PLXDC2: variants seen among roughly 807,000 people sequenced by gnomAD.
PLXDC2 encodes plexin domain-containing protein 2.
A neutral mutation model predicts 68.9 loss-of-function variants in PLXDC2; 40 were observed. The ratio of observed to expected loss-of-function variants is 0.58; its 90% CI spans 0.45 to 0.76. The LOEUF (loss-of-function observed/expected upper bound fraction) is 0.76. PLXDC2 is among the 30% of genes least tolerant of loss of function. PLXDC2 has a pLI of 0.00. For synonymous variants in PLXDC2, 243 were observed against 234.2 expected, an observed-to-expected ratio of 1.04 and a Z score of -0.34; for missense variants, 644 against 661.9, an observed-to-expected ratio of 0.97 and a Z score of 0.30.
chr10:19,881,534 T>G (rs1449549454), intron 1 of PLXDC2, among the ~76,000 whole-genome samples: 1 of 152,162 alleles, frequency 6.6e-6, no homozygotes, highest in Non-Finnish European at 1.5e-5. Flanking sequence ...CTGTGAGCAC[T>G]TTCTAATTCA....
At chr10:20,029,223 G>C (rs1355177314) in intron 2 of PLXDC2, among the ~76,000 whole-genome samples, 1 of 151,898 alleles carries the variant, frequency 6.6e-6, no homozygotes, top group Non-Finnish European at 1.5e-5. Flanking sequence ...TTAGTTCAGC[G>C]GTTATCTTCT....
intron 1 of PLXDC2, among the ~76,000 whole-genome samples, chr10:19,872,598 C>T (rs1049769263): frequency 3.9e-5 from 6 of 152,294 alleles, no homozygotes; most frequent in Middle Eastern, 3.4e-3. Context: ...ATTTCAGCCA[C>T]ACCTAGACAA....
At chr10:20,117,129 TAC>T (rs1007205643) in intron 4 of PLXDC2, among the ~76,000 whole-genome samples, 1 of 151,940 alleles carries the variant, frequency 6.6e-6, no homozygotes, top group Non-Finnish European at 1.5e-5. Flanking sequence ...TGTTTCTGAA[TAC>T]ACAGTCAGAA....
At chr10:20,190,598 A>AATATATATAT (rs67612054) in intron 9 of PLXDC2, among the ~76,000 whole-genome samples, 2 of 148,474 alleles carry the variant, frequency 1.3e-5, no homozygotes, top group African/African-American at 4.9e-5. Context: ...AAGTGTAATA[A>AATATATATAT]ATATATATAT....
At chr10:20,234,663 C>CTTTTTTTTTTTTTTTTTTTTTTTTTTTT (rs58791520) in intron 12 of PLXDC2, among the ~76,000 whole-genome samples, 5 of 125,420 alleles carry the variant, frequency 4.0e-5, no homozygotes, top group Admixed American at 8.3e-5. Flanking sequence ...GGGTTTCTTT[C>CTTTTTTTTTTTTTTTTTTTTTTTTTTTT]TTTTTTTTTT....
chr10:19,969,149 G>A (rs781591280), intron 1 of PLXDC2, among the ~76,000 whole-genome samples: 6 of 151,136 alleles, frequency 4.0e-5, no homozygotes, highest in African/African-American at 9.7e-5. Flanking sequence ...ATTTTATTTC[G>A]GCGACACCAA....
chr10:20,134,210 C>T (rs950644588), intron 4 of PLXDC2, among the ~76,000 whole-genome samples: 1 of 152,184 alleles, frequency 6.6e-6, no homozygotes, highest in African/African-American at 2.4e-5. Flanking sequence ...GTTCATAGAT[C>T]TCCAATTCTT....
chr10:20,143,170 C>CT (rs1450817482), intron 4 of PLXDC2, 125 bp from the exon 5 acceptor site: 2 of 1,012,032 alleles, frequency 2.0e-6, no homozygotes, highest in Non-Finnish European at 1.4e-6. Flanking sequence ...AAATATGTTC[C>CT]TTTTTTTCCA....
chr10:20,062,531 C>T (rs1836125494), intron 3 of PLXDC2, among the ~76,000 whole-genome samples: 1 of 152,156 alleles, frequency 6.6e-6, no homozygotes, highest in Admixed American at 6.5e-5. Context: ...TTTCAGGTCT[C>T]TGCAACTCCA....
chr10:20,182,100 T>TGTGA (rs935440930), intron 9 of PLXDC2, among the ~76,000 whole-genome samples: 8 of 151,470 alleles, frequency 5.3e-5, no homozygotes, highest in African/African-American at 1.2e-4. Context: ...TGTGTGTGTG[T>TGTGA]GAATGAAGTT....
Position 19,817,152 on chromosome 10 carries a change from T to A in PLXDC2, c.73T>A (p.Phe25Ile), listed in dbSNP as rs750660465. 1.3e-6 allele frequency: 2 copies of A among 1,575,942 alleles called. No individual in the cohort carries two copies. Among genetic ancestry groups the A allele is most frequent in the Non-Finnish European group, 1.7e-6 (2 of 1,157,570 alleles). ...MLLCHFFTDQ[F>I]QFADGKPGDQ... ...ACTTTGCCACTTCTTCACGGACCAG[T>A]TTCAGTTCGCCGATGGGAAACCCGG... Residue 25 changes from phenylalanine (F) to isoleucine (I), a missense_variant, in exon 1 of 14, where the codon TTT (phenylalanine) becomes ATT (isoleucine). Phe to Ile is a conservative substitution (Grantham distance 21, BLOSUM62 0). Transcript: ENST00000377252.
chr10:19,839,246 A>G (rs771636347), intron 1 of PLXDC2, among the ~76,000 whole-genome samples: 5 of 152,074 alleles, frequency 3.3e-5, no homozygotes, highest in Non-Finnish European at 7.3e-5. Context: ...CAACAGAGAA[A>G]GGTCTAGAAA....
chr10:19,957,175 C>T (rs1001002671), intron 1 of PLXDC2, among the ~76,000 whole-genome samples: 3 of 152,150 alleles, frequency 2.0e-5, no homozygotes, highest in African/African-American at 7.2e-5. Context: ...ACTTCCATCT[C>T]TCATTCTAGT....
chr10:20,010,964 A>T (rs1234864008), intron 2 of PLXDC2, among the ~76,000 whole-genome samples: 2 of 152,214 alleles, frequency 1.3e-5, no homozygotes, highest in African/African-American at 2.4e-5. Context: ...TTGCTATTTT[A>T]TCATTTTGCA....
At chr10:20,136,546 T>G (rs770065134) in intron 4 of PLXDC2, among the ~76,000 whole-genome samples, 6 of 152,170 alleles carry the variant, frequency 3.9e-5, no homozygotes, top group Non-Finnish European at 7.4e-5. Context: ...TCTTCATGAA[T>G]AGAAGAAGTG....
rs1836303515 is a variant in PLXDC2, at chr10:20,070,866, G to A, written c.541+2627G>A. ...ATGTCAGCAATTCAGCCAATATGAA[G>A]TAAGATTTCTCCTAGCGGAACTGGC... On this transcript the variant is annotated intron_variant, in intron 4 of 13. Coordinates refer to ENST00000377252, the MANE Select transcript of PLXDC2 (RefSeq NM_032812.9). 3 of 151,970 alleles carry A rather than the reference G, an allele frequency of 2.0e-5. No individual in the cohort carries two copies. The South Asian group carries it at 6.2e-4, about 32-fold the overall frequency. The allele number at this position is 151,970 out of a possible 1,614,324, so 9.4% of individuals were successfully genotyped here. A position where few individuals can be genotyped will look rare whatever the true frequency, so the allele number is the denominator to read the frequency against.
At chr10:19,903,505 G>C (rs761560943) in intron 1 of PLXDC2, among the ~76,000 whole-genome samples, 1 of 151,824 alleles carries the variant, frequency 6.6e-6, no homozygotes, top group Non-Finnish European at 1.5e-5. Flanking sequence ...TTGTATTTCT[G>C]TGGTATCAGT....
chr10:20,094,129 C>T (rs1367598602), intron 4 of PLXDC2, among the ~76,000 whole-genome samples: 1 of 152,032 alleles, frequency 6.6e-6, no homozygotes, highest in Non-Finnish European at 1.5e-5. Context: ...AATATTTTGC[C>T]ATGTATTAAA....
intron 1 of PLXDC2, among the ~76,000 whole-genome samples, chr10:19,823,537 G>A (rs1282411100): frequency 1.3e-5 from 2 of 151,828 alleles, no homozygotes; most frequent in Non-Finnish European, 2.9e-5. Context: ...AAAAAAATTA[G>A]CCAGGCATGG....
Sources: allele counts gnomAD v4.1 joint callset (sites outside exome capture counted in the v4.1 genomes callset), GRCh38; gene constraint gnomAD v4.1.1; transcripts MANE v1.5; gene names NCBI Gene and HGNC (gene_info 2026-07-23, HGNC 2026-07-21).